The following ENPP6 variants were observed in gnomAD, a reference collection of about 807,000 sequenced individuals.
ENPP6 encodes glycerophosphocholine cholinephosphodiesterase ENPP6.
ENPP6 carries 32 observed loss-of-function variants against 42.0 expected under a neutral mutation model. The ratio of observed to expected loss-of-function variants is 0.76; its 90% CI spans 0.58 to 1.02. The LOEUF (loss-of-function observed/expected upper bound fraction) is 1.02, where lower values mean the gene tolerates loss of function less well. Among genes scored for constraint, ENPP6 ranks in the 50% least tolerant of loss-of-function variants. The probability of loss-of-function intolerance (pLI) is 0.00; values close to 1 mark genes in which losing one functional copy is unlikely to be tolerated. For synonymous variants in ENPP6, 213 were observed against 216.0 expected, an observed-to-expected ratio of 0.99 and a Z score of 0.12; for missense variants, 552 against 566.8, an observed-to-expected ratio of 0.97 and a Z score of 0.27.
chr4:184,111,723 C>T (rs957119509), intron 6 of ENPP6, among the ~76,000 whole-genome samples: 32 of 152,216 alleles, frequency 2.1e-4, no homozygotes, highest in Non-Finnish European at 3.7e-4. Flanking sequence ...CCAGAAGCCA[C>T]GCAGTCTTCC....
intron 1 of ENPP6, among the ~76,000 whole-genome samples, chr4:184,173,095 G>A (rs780317887): frequency 2.6e-5 from 4 of 152,018 alleles, no homozygotes; most frequent in African/African-American, 7.2e-5. Context: ...TAGTAGAGAC[G>A]GGGTTCCACC....
intron 1 of ENPP6, among the ~76,000 whole-genome samples, chr4:184,208,531 C>A (rs570733719): frequency 6.6e-6 from 1 of 152,036 alleles, no homozygotes; most frequent in Non-Finnish European, 1.5e-5. Context: ...GCTTTTCCGA[C>A]GGGCTTAAAA....
chr4:184,117,595 T>C (rs539042069), intron 4 of ENPP6, among the ~76,000 whole-genome samples, 164 bp downstream of exon 4: 2 of 152,304 alleles, frequency 1.3e-5, no homozygotes, highest in African/African-American at 4.8e-5. Flanking sequence ...GATCACTTGG[T>C]ATCGCAGGAG....
chr4:184,131,201 C>CTTTCTTTCT lies in ENPP6; in HGVS notation c.422-6930_422-6929insAGAAAGAAA, dbSNP rs376993212. Among the ~76,000 whole-genome samples, 231 of 70,674 alleles carry CTTTCTTTCT rather than the reference C, an allele frequency of 3.3e-3. 7 individuals are homozygous for CTTTCTTTCT. Among genetic ancestry groups the CTTTCTTTCT allele is most frequent in the African/African-American group, 0.011 (197 of 17,312 alleles). The allele number at this position is 70,674 out of a possible 152,430, so 46.4% of individuals were successfully genotyped here. ...TCTTTCTTTCTTTCTTTCTTTCTTTCTTCTTTCTTTCTTTCTTTTTCTTTC... is the reference window on the plus strand; with the variant it reads ...TCTTTCTTTCTTTCTTTCTTTCTTTCTTTCTTTCTTTCTTTCTTTCTTTCTTTTTCTTTC... On this transcript the variant is annotated intron_variant, in intron 2 of 7. Coordinates refer to ENST00000296741, the MANE Select transcript of ENPP6 (RefSeq NM_153343.4).
chr4:184,154,536 T>G (rs910886961), intron 1 of ENPP6, among the ~76,000 whole-genome samples: 3 of 152,242 alleles, frequency 2.0e-5, no homozygotes, highest in Admixed American at 6.5e-5. Context: ...CTGAGCTCCC[T>G]AACTATGCTT....
intron 6 of ENPP6, among the ~76,000 whole-genome samples, chr4:184,104,589 A>T (rs895835988): frequency 6.6e-6 from 1 of 152,220 alleles, no homozygotes; most frequent in Admixed American, 6.5e-5. Flanking sequence ...AACTGAGGTC[A>T]GAAGAATTTG....
At chr4:184,161,042 A>G (rs983881653) in intron 1 of ENPP6, among the ~76,000 whole-genome samples, 5 of 152,220 alleles carry the variant, frequency 3.3e-5, no homozygotes, top group Non-Finnish European at 7.3e-5. Flanking sequence ...ACAAAAATAA[A>G]TAGATGGGAC....
chr4:184,096,151 G>A (rs997271887), intron 7 of ENPP6, among the ~76,000 whole-genome samples: 1 of 152,192 alleles, frequency 6.6e-6, no homozygotes, highest in African/African-American at 2.4e-5. Context: ...CACCCACGGA[G>A]GTTGCAGAAA....
chr4:184,141,270 G>C (rs1736815674), intron 2 of ENPP6, among the ~76,000 whole-genome samples: 1 of 152,162 alleles, frequency 6.6e-6, no homozygotes, highest in Admixed American at 6.5e-5. Context: ...GGCTCAATCT[G>C]TGAAGTGGGC....
chr4:184,138,861 C>T (rs1211411604), intron 2 of ENPP6, among the ~76,000 whole-genome samples: 4 of 152,176 alleles, frequency 2.6e-5, no homozygotes, highest in African/African-American at 7.2e-5. Flanking sequence ...TCAAGGTTAT[C>T]CCCCAACTAA....
intron 1 of ENPP6, among the ~76,000 whole-genome samples, chr4:184,192,587 G>T (rs1467883669): frequency 6.6e-6 from 1 of 152,166 alleles, no homozygotes; most frequent in Non-Finnish European, 1.5e-5. Flanking sequence ...AAAAGGAAAA[G>T]TTGATAAATA....
chr4:184,125,897 AT>A (rs978852896), intron 2 of ENPP6, among the ~76,000 whole-genome samples: 9 of 152,218 alleles, frequency 5.9e-5, no homozygotes, highest in Non-Finnish European at 1.2e-4. Context: ...CCAGTGTTTT[AT>A]CTGTTGAAGG....
chr4:184,132,977 G>A (rs1453501483), intron 2 of ENPP6, among the ~76,000 whole-genome samples: 1 of 151,974 alleles, frequency 6.6e-6, no homozygotes, highest in African/African-American at 2.4e-5. Flanking sequence ...AGGAATTTCT[G>A]ACCTTTACCC....
At chr4:184,103,644 C>G (rs543350953) in intron 6 of ENPP6, among the ~76,000 whole-genome samples, 2 of 152,292 alleles carry the variant, frequency 1.3e-5, no homozygotes, top group East Asian at 3.9e-4. Flanking sequence ...TATTATAAAC[C>G]ACGCTTTCTC....
At chr4:184,208,960 C>A (rs1418382768) in intron 1 of ENPP6, among the ~76,000 whole-genome samples, 1 of 131,112 alleles carries the variant, frequency 7.6e-6, no homozygotes, top group Non-Finnish European at 1.6e-5. Flanking sequence ...TGGGAGGCAC[C>A]CCCCAGCAGG....
chr4:184,180,696 C>G (rs1732537186), intron 1 of ENPP6, among the ~76,000 whole-genome samples: 1 of 152,182 alleles, frequency 6.6e-6, no homozygotes, highest in African/African-American at 2.4e-5. Flanking sequence ...GGATACAAGC[C>G]TGATTCAACA....
chr4:184,206,967 A>G (rs1037668686), intron 1 of ENPP6, among the ~76,000 whole-genome samples: 3 of 152,212 alleles, frequency 2.0e-5, no homozygotes, highest in Non-Finnish European at 4.4e-5. Flanking sequence ...GGCCCTGGCC[A>G]GTTACTGTGT....
intron 1 of ENPP6, among the ~76,000 whole-genome samples, chr4:184,173,770 G>T (rs929483156): frequency 2.0e-5 from 3 of 152,194 alleles, no homozygotes; most frequent in Non-Finnish European, 4.4e-5. Context: ...TCCAGGCACA[G>T]GTTAGGTACG....
At chr4:184,143,595 C>G (rs780826834) in intron 2 of ENPP6, among the ~76,000 whole-genome samples, 1 of 152,224 alleles carries the variant, frequency 6.6e-6, no homozygotes, top group Non-Finnish European at 1.5e-5. Context: ...CTGTGCGTCC[C>G]TTTCCTGGGA....
Sources: allele counts gnomAD v4.1 joint callset (sites outside exome capture counted in the v4.1 genomes callset), GRCh38; gene constraint gnomAD v4.1.1; transcripts MANE v1.5; gene names NCBI Gene and HGNC (gene_info 2026-07-23, HGNC 2026-07-21).